KRT31: variants seen among roughly 807,000 people sequenced by gnomAD.
KRT31 encodes keratin, type I cuticular Ha1.
Under a neutral mutation model 40.8 loss-of-function variants are expected in KRT31, and 27 were observed. The observed-to-expected ratio is 0.66, with a 90% CI of 0.49 to 0.91. KRT31 has a LOEUF of 0.91. KRT31 is among the 40% of genes least tolerant of loss of function. The pLI is 0.00. For synonymous variants in KRT31, 231 were observed against 231.9 expected (o/e 1.00, Z 0.03); for missense variants, 510 against 544.1 (o/e 0.94, Z 0.62).
intron 5 of KRT31, 41 bp downstream of exon 5, chr17:41,395,204 C>T (rs2018201457): frequency 1.2e-6 from 2 of 1,612,316 alleles, no homozygotes; most frequent in Admixed American, 3.3e-5. Flanking sequence ...CTCTGCCTCC[C>T]AAGTTCCCGT....
rs369861680 is a variant in KRT31, at chr17:41,396,863, A to G, written c.431+50T>C. On this transcript the variant is annotated intron_variant, in intron 2 of 6. Coordinates refer to ENST00000251645, the MANE Select transcript of KRT31 (RefSeq NM_002277.3). ...TTTCAGATGGAAATCCCTTTTCTTT[A>G]AAGATTAAACAGAAGCAATTGACAC... The G allele has an allele frequency of 9.1e-6, 13 of 1,433,790 alleles. No homozygotes were observed. In the Admixed American group the frequency reaches 2.0e-4, roughly 22 times the overall value. 88.8% of individuals were successfully genotyped at this position (1,433,790 alleles called of 1,614,324 possible). A position where few individuals can be genotyped will look rare whatever the true frequency, so the allele number is the denominator to read the frequency against.
Position 41,397,514 on chromosome 17 carries a change from C to A in KRT31, c.26G>T (p.Ser9Ile), listed in dbSNP as rs745670150. ...GGAGCAGCTGGTGCGGCAGCTCAGGCTGGGCAGGCAGAAGTTGTAGGGCAT... is the reference window on the plus strand; with the variant it reads ...GGAGCAGCTGGTGCGGCAGCTCAGGATGGGCAGGCAGAAGTTGTAGGGCAT... MPYNFCLPSLSCRTSCSSR... is the reference protein window; with the variant it reads MPYNFCLPILSCRTSCSSR... Residue 9 changes from serine (S) to isoleucine (I), a missense_variant, in exon 1 of 7, where the codon AGC (serine) becomes ATC (isoleucine). Physicochemically the swap from Ser to Ile is moderately radical, Grantham distance 142. Coordinates refer to ENST00000251645, the MANE Select transcript of KRT31 (RefSeq NM_002277.3). 4.5e-5 allele frequency: 67 copies of A among 1,478,796 alleles called. No homozygotes were observed. In the South Asian group the frequency reaches 7.0e-4, roughly 15 times the overall value. 91.6% of individuals were successfully genotyped at this position (1,478,796 alleles called of 1,614,324 possible). A position where few individuals can be genotyped will look rare whatever the true frequency, so the allele number is the denominator to read the frequency against.
In KRT31 at chr17:41,395,287, T is replaced by G; in HGVS notation, c.834A>C (p.Thr278=). 1 of 1,613,150 alleles carries G rather than the reference T, an allele frequency of 6.2e-7. No individual in the cohort carries two copies. Among genetic ancestry groups the G allele is most frequent in the Non-Finnish European group, 8.5e-7 (1 of 1,180,026 alleles). ...GCAGCTCGATCTCCAGGGCGTTGAC[T>G]GTGCGTCTCAGCTCGATGATCTCCG... ...YQAEIIELRR[T]VNALEIELQA... Residue 278 remains threonine, a synonymous_variant, in exon 5 of 7, where the codon ACA becomes ACC. Coordinates refer to ENST00000251645, the MANE Select transcript of KRT31 (RefSeq NM_002277.3).
chr17:41,394,052 G>C lies in KRT31; in HGVS notation c.1215C>G (p.Arg405=), dbSNP rs771640119. 1.4e-5 allele frequency: 22 copies of C among 1,613,512 alleles called. No homozygotes were observed. Among genetic ancestry groups the C allele is most frequent in the Non-Finnish European group, 1.7e-5 (20 of 1,179,828 alleles). ...AGGAATTGCAGGGCCCACAGCGGGGGCGTGGGGCACAGGGTGTGCAGGGGG... is the reference window on the plus strand; with the variant it reads ...AGGAATTGCAGGGCCCACAGCGGGGCCGTGGGGCACAGGGTGTGCAGGGGG... ...PPAPCTPCAP[R]PRCGPCNSFV... The change falls in exon 7 of 7, where the codon CGC becomes CGG. Residue 405 remains arginine, a synonymous_variant. Transcript: ENST00000251645.
In KRT31 at chr17:41,396,988, C is replaced by T; in HGVS notation, c.356G>A (p.Cys119Tyr). Residue 119 changes from cysteine (C) to tyrosine (Y), a missense_variant, in exon 2 of 7, where the codon TGT becomes TAT. Coordinates refer to ENST00000251645, the MANE Select transcript of KRT31 (RefSeq NM_002277.3). ...AAGCCTGGCATTCTCAGACTTGGTA[C>T]ACAGGATCTGGGGAGTGAGAGGTGG... ...TIEELQQKIL[C>Y]TKSENARLVV... The T allele has an allele frequency of 1.9e-6, 3 of 1,613,860 alleles. No individual in the cohort carries two copies. Among genetic ancestry groups the T allele is most frequent in the Non-Finnish European group, 2.5e-6 (3 of 1,179,762 alleles).
chr17:41,396,991 A>G lies in KRT31; in HGVS notation c.353T>C (p.Leu118Pro), dbSNP rs2018239418. 6.2e-7 allele frequency: 1 copy of G among 1,613,838 alleles called. No homozygotes were observed. The highest frequency in any genetic ancestry group is 2.2e-5 in the East Asian group (1 of 44,882). The change falls in exon 2 of 7, where the codon CTG (leucine) becomes CCG (proline). Residue 118 changes from leucine (L) to proline (P), a missense_variant. Transcript: ENST00000251645. ...KTIEELQQKI[L>P]CTKSENARLV... ...CCTGGCATTCTCAGACTTGGTACAC[A>G]GGATCTGGGGAGTGAGAGGTGGCTT...
intron 3 of KRT31, 28 bp downstream of exon 3, chr17:41,396,391 GT>G (rs755147617): frequency 6.2e-7 from 1 of 1,607,502 alleles, no homozygotes; most frequent in Non-Finnish European, 8.5e-7. Context: ...GCTGAGACAG[GT>G]TTGTGCATTT....
In KRT31 at chr17:41,396,557, G is replaced by C. The variant is rs1432977768; in HGVS notation, c.451C>G (p.Leu151Val). 2 of 1,613,964 alleles carry C rather than the reference G, an allele frequency of 1.2e-6. No individual in the cohort carries two copies. The highest frequency in any genetic ancestry group is 2.7e-5 in the African/African-American group (2 of 74,932). Reference sequence around the variant, plus strand: ...ATGTCCGACTCCACCAGCTGCCGCAGGGACAGCTCGGTCTGGTACCTGCGC... The same window carrying C: ...ATGTCCGACTCCACCAGCTGCCGCACGGACAGCTCGGTCTGGTACCTGCGC... ...FRTKYQTELS[L>V]RQLVESDING... The change falls in exon 3 of 7, where the codon CTG (leucine) becomes GTG (valine). Residue 151 changes from leucine (L) to valine (V), a missense_variant. By Grantham distance (32) the Leu-to-Val change is conservative. Coordinates refer to ENST00000251645, the MANE Select transcript of KRT31 (RefSeq NM_002277.3).
In KRT31 at chr17:41,396,325, G is replaced by A. The variant is rs770996542; in HGVS notation, c.588+95C>T. 593 of 1,216,144 alleles carry A rather than the reference G, an allele frequency of 4.9e-4. 1 individual carries two copies. The highest frequency in any genetic ancestry group is 6.5e-4 in the Non-Finnish European group (568 of 871,172). 75.3% of individuals were successfully genotyped at this position (1,216,144 alleles called of 1,614,324 possible). A position where few individuals can be genotyped will look rare whatever the true frequency, so the allele number is the denominator to read the frequency against. ...GTTTTCAAAGGAAACCCTCAGTCTTGTACTCATACTCTGCATTCTGCTGCC... is the reference window on the plus strand; with the variant it reads ...GTTTTCAAAGGAAACCCTCAGTCTTATACTCATACTCTGCATTCTGCTGCC... On this transcript the variant is annotated intron_variant, in intron 3 of 6. Transcript: ENST00000251645.
In KRT31 at chr17:41,395,296, C is replaced by T. The variant is rs2018203830; in HGVS notation, c.825G>A (p.Leu275=). 4 of 1,613,344 alleles carry T rather than the reference C, an allele frequency of 2.5e-6. No individual in the cohort carries two copies. Among genetic ancestry groups the T allele is most frequent in the Non-Finnish European group, 2.5e-6 (3 of 1,180,048 alleles). The change falls in exon 5 of 7, where the codon CTG becomes CTA. Residue 275 remains leucine, a synonymous_variant. Coordinates refer to ENST00000251645, the MANE Select transcript of KRT31 (RefSeq NM_002277.3). Reference sequence around the variant, plus strand: ...TCTCCAGGGCGTTGACTGTGCGTCTCAGCTCGATGATCTCCGCCTGGTAGG... The same window carrying T: ...TCTCCAGGGCGTTGACTGTGCGTCTTAGCTCGATGATCTCCGCCTGGTAGG... ...LQSYQAEIIE[L]RRTVNALEIE...
chr17:41,397,564 G>C lies in KRT31; in HGVS notation c.-25C>G. 1 of 1,585,722 alleles carries C rather than the reference G, an allele frequency of 6.3e-7. No individual in the cohort carries two copies. Among genetic ancestry groups the C allele is most frequent in the Non-Finnish European group, 8.6e-7 (1 of 1,165,340 alleles). ...TAGTGCTGGGAGGGAGGGAGGGAGTGCCTGGCTGAAGACAGAGTCTAAATT... is the reference window on the plus strand; with the variant it reads ...TAGTGCTGGGAGGGAGGGAGGGAGTCCCTGGCTGAAGACAGAGTCTAAATT... On this transcript the variant is annotated 5_prime_UTR_variant, in exon 1 of 7. Coordinates refer to ENST00000251645, the MANE Select transcript of KRT31 (RefSeq NM_002277.3).
chr17:41,397,582 T>C lies in KRT31; in HGVS notation c.-43A>G. 1 of 1,549,418 alleles carries C rather than the reference T, an allele frequency of 6.5e-7. No homozygotes were observed. The highest frequency in any genetic ancestry group is 1.2e-5 in the South Asian group (1 of 82,012). ...AGGGAGTGCCTGGCTGAAGACAGAGTCTAAATTCTCCAAGCCACAGAGCTG... is the reference window on the plus strand; with the variant it reads ...AGGGAGTGCCTGGCTGAAGACAGAGCCTAAATTCTCCAAGCCACAGAGCTG... On this transcript the variant is annotated 5_prime_UTR_variant, in exon 1 of 7. Coordinates refer to ENST00000251645, the MANE Select transcript of KRT31 (RefSeq NM_002277.3).
In KRT31 at chr17:41,394,024, C is replaced by CGAAG. The variant is rs1567681235; in HGVS notation, c.1239_1242dup (p.Val415LeufsTer23). 1 of 1,613,056 alleles carries CGAAG rather than the reference C, an allele frequency of 6.2e-7. No homozygotes were observed. Among genetic ancestry groups the CGAAG allele is most frequent in the Admixed American group, 1.7e-5 (1 of 59,962 alleles). On this transcript the variant is annotated frameshift_variant, in exon 7 of 7. Transcript: ENST00000251645. LOFTEE classifies it high-confidence loss of function. ...CTGGCATTCCCTAGGTTCTAGCGCA[C>CGAAG]GAAGGAATTGCAGGGCCCACAGCGG...
chr17:41,395,701 C>T, intron 3 of KRT31, 78 bp from the exon 4 acceptor site: 1 of 1,498,578 alleles, frequency 6.7e-7, no homozygotes. Flanking sequence ...TTGTTGAAAC[C>T]CTGTTAGTCT....
In KRT31 at chr17:41,397,172, A is replaced by G. The variant is rs371956622; in HGVS notation, c.348+20T>C. The G allele has an allele frequency of 2.5e-6, 4 of 1,610,268 alleles. No homozygotes were observed. Among genetic ancestry groups the G allele is most frequent in the African/African-American group, 1.3e-5 (1 of 74,916 alleles). ...TCACAGCAAACTCTCTTGCTTGGAG[A>G]TGACAGCAATGCCGCTCACCTTCTG... On this transcript the variant is annotated intron_variant, in intron 1 of 6. Coordinates refer to ENST00000251645, the MANE Select transcript of KRT31 (RefSeq NM_002277.3).
In KRT31 at chr17:41,393,722, G is replaced by A; in HGVS notation, c.*294C>T. The A allele has an allele frequency of 2.4e-6, 1 of 424,412 alleles. No individual in the cohort carries two copies. Among genetic ancestry groups the A allele is most frequent in the East Asian group, 4.1e-5 (1 of 24,304 alleles). 26.3% of individuals were successfully genotyped at this position (424,412 alleles called of 1,614,324 possible). On this transcript the variant is annotated 3_prime_UTR_variant, in exon 7 of 7. Transcript: ENST00000251645. ...ATGAATACAAATGAAAAAGGCATCT[G>A]CTTTGCCAAGGAAATGATATTTATT...
intron 1 of KRT31, 76 bp downstream of exon 1, chr17:41,397,116 C>G: frequency 6.3e-7 from 1 of 1,585,586 alleles, no homozygotes; most frequent in Non-Finnish European, 8.6e-7. Context: ...AGCACAGAAG[C>G]AAGAAACACA....
At position 41,394,947 on chromosome 17, in the gene KRT31, T is replaced by C; in HGVS notation, c.998A>G (p.Glu333Gly). Reference protein sequence around the residue: ...SQLAEIRSDLERQNQEYQVLL... With the variant: ...SQLAEIRSDLGRQNQEYQVLL... ...CACCTGGTACTCCTGGTTCTGCCGC[T>C]CCAGGTCACTGCGGATCTCCGCCAG... The change falls in exon 6 of 7, where the codon GAG becomes GGG. Residue 333 changes from glutamate (E) to glycine (G), a missense_variant. Transcript: ENST00000251645. The C allele has an allele frequency of 6.2e-7, 1 of 1,614,226 alleles. No individual in the cohort carries two copies. The highest frequency in any genetic ancestry group is 8.5e-7 in the Non-Finnish European group (1 of 1,180,034).
chr17:41,395,400 A>G (rs536113790), intron 4 of KRT31, 30 bp from the exon 5 acceptor site: 1 of 1,613,976 alleles, frequency 6.2e-7, no homozygotes, highest in Admixed American at 1.7e-5. Context: ...AAAGGATCAG[A>G]CCCTGCCTCC....
Sources: allele counts gnomAD v4.1 joint callset, GRCh38; gene constraint gnomAD v4.1.1; transcripts MANE v1.5; gene names NCBI Gene and HGNC (gene_info 2026-07-23, HGNC 2026-07-21).